VAV3: variants seen among roughly 807,000 people sequenced by gnomAD.
The protein encoded by VAV3 is vav guanine nucleotide exchange factor 3, also known as guanine nucleotide exchange factor VAV3.
VAV3 carries 94 observed loss-of-function variants against 131.2 expected under a neutral mutation model. The observed-to-expected ratio is 0.72, with a 90% CI of 0.61 to 0.85. The LOEUF (loss-of-function observed/expected upper bound fraction) is 0.85. Among genes scored for constraint, VAV3 ranks in the 40% least tolerant of loss-of-function variants. VAV3 has a pLI of 0.00. For missense variants in VAV3, 939 were observed against 1,002.7 expected (o/e 0.94, Z 0.86); for synonymous variants, 349 against 342.0 (o/e 1.02, Z -0.22).
At chr1:107,859,716 T>A (rs1003524091) in intron 2 of VAV3, among the ~76,000 whole-genome samples, 1 of 152,082 alleles carries the variant, frequency 6.6e-6, no homozygotes, top group Non-Finnish European at 1.5e-5. Flanking sequence ...TGGTAGATCA[T>A]CAGAAAATTA....
chr1:107,958,629 T>TA (rs113653928), intron 1 of VAV3, among the ~76,000 whole-genome samples: 48,616 of 151,316 alleles, frequency 0.32, 8,582 homozygotes, highest in African/African-American at 0.49. Flanking sequence ...ATTTTACTTA[T>TA]TTTTTTTTAT....
chr1:107,736,763 A>G (rs1662665024), intron 15 of VAV3, among the ~76,000 whole-genome samples: 1 of 152,136 alleles, frequency 6.6e-6, no homozygotes, highest in South Asian at 2.1e-4. Context: ...CAATATCGTA[A>G]AAATGGCCAT....
chr1:107,775,725 G>T (rs1346570772), intron 4 of VAV3, among the ~76,000 whole-genome samples: 1 of 151,732 alleles, frequency 6.6e-6, no homozygotes, highest in Non-Finnish European at 1.5e-5. Flanking sequence ...GCACTATCTT[G>T]CTTACTGTTG....
chr1:107,926,144 T>C (rs920543116), intron 1 of VAV3, among the ~76,000 whole-genome samples: 1 of 151,866 alleles, frequency 6.6e-6, no homozygotes, highest in Admixed American at 6.6e-5. Context: ...TAGCCAGGCA[T>C]GGTGGCAGGT....
chr1:107,899,522 G>A (rs1433020354), intron 1 of VAV3, among the ~76,000 whole-genome samples: 1 of 152,188 alleles, frequency 6.6e-6, no homozygotes, highest in Non-Finnish European at 1.5e-5. Context: ...TGATGGCACA[G>A]TTAACTACAC....
At chr1:107,856,962 C>T (rs559583752) in intron 2 of VAV3, among the ~76,000 whole-genome samples, 1 of 152,032 alleles carries the variant, frequency 6.6e-6, no homozygotes, top group Admixed American at 6.6e-5. Flanking sequence ...TCGCTTGAGC[C>T]CAAGAGTTTG....
chr1:107,676,460 T>C (rs1404181562), intron 19 of VAV3, among the ~76,000 whole-genome samples: 2 of 152,190 alleles, frequency 1.3e-5, no homozygotes, highest in African/African-American at 4.8e-5. Context: ...GTGAGGTGCA[T>C]GTTGACAAGA....
At chr1:107,706,673 C>T (rs1660472902) in intron 15 of VAV3, among the ~76,000 whole-genome samples, 2 of 152,114 alleles carry the variant, frequency 1.3e-5, no homozygotes, top group Admixed American at 1.3e-4. Flanking sequence ...TCCATAAAGC[C>T]ATGCATTGAA....
intron 1 of VAV3, among the ~76,000 whole-genome samples, chr1:107,875,977 T>C (rs1402000222): frequency 6.6e-6 from 1 of 152,154 alleles, no homozygotes; most frequent in East Asian, 1.9e-4. Flanking sequence ...CTGTTAACCA[T>C]GACACTGGCT....
At chr1:107,912,586 C>A (rs1234005423) in intron 1 of VAV3, among the ~76,000 whole-genome samples, 1 of 152,198 alleles carries the variant, frequency 6.6e-6, no homozygotes, top group East Asian at 1.9e-4. Flanking sequence ...ATCATTCTGG[C>A]TTCTCCACCT....
At chr1:107,785,965 A>T (rs1366393025) in intron 2 of VAV3, among the ~76,000 whole-genome samples, 1 of 152,196 alleles carries the variant, frequency 6.6e-6, no homozygotes, top group African/African-American at 2.4e-5. Context: ...CCCCATTAGG[A>T]TACACTACAG....
intron 2 of VAV3, among the ~76,000 whole-genome samples, chr1:107,866,537 C>T (rs1669993163): frequency 6.6e-6 from 1 of 152,090 alleles, no homozygotes. Context: ...GGCATTTTGG[C>T]TTGGCATGGT....
intron 20 of VAV3, among the ~76,000 whole-genome samples, chr1:107,626,381 A>T (rs1654014648): frequency 1.3e-5 from 2 of 152,316 alleles, no homozygotes; most frequent in South Asian, 4.1e-4. Flanking sequence ...GTGCAGTCAC[A>T]TACTGCCTTT....
rs781153582 is a variant in VAV3 at position 107,964,761 on chromosome 1, G to A, written c.109C>T (p.Leu37Phe). ...SAQVFDLAQT[L>F]RDGVLLCQLL... is the part of the protein sequence containing the mutation. ...TGGCAGAGCAGGACTCCATCGCGGA[G>A]GGTCTGCGCAAGGTCGAACACCTGA... is the stretch of plus-strand genomic sequence containing the variant. The change falls in exon 1 of 27, where the codon CTC becomes TTC. Residue 37 changes from leucine (L) to phenylalanine (F), a missense_variant. Physicochemically the swap from Leu to Phe is conservative, Grantham distance 22. Coordinates refer to ENST00000370056, the MANE Select transcript of VAV3 (RefSeq NM_006113.5). 1.4e-5 allele frequency: 23 copies of A among 1,614,032 alleles called. No homozygotes were observed. The Admixed American group carries it at 2.7e-4, about 19-fold the overall frequency.
At chr1:107,944,353 G>A (rs187227139) in intron 1 of VAV3, among the ~76,000 whole-genome samples, 42 of 152,230 alleles carry the variant, frequency 2.8e-4, no homozygotes, top group Admixed American at 2.5e-3. Context: ...AAGTCTCAAA[G>A]AGAAGACCCA....
chr1:107,844,274 G>A (rs1402201845), intron 2 of VAV3, among the ~76,000 whole-genome samples: 4 of 152,014 alleles, frequency 2.6e-5, no homozygotes, highest in South Asian at 2.1e-4. Context: ...CACGAGGGAC[G>A]GTGCTATCCG....
chr1:107,663,909 G>C (rs527520806), intron 19 of VAV3, among the ~76,000 whole-genome samples: 1 of 151,850 alleles, frequency 6.6e-6, no homozygotes, highest in Non-Finnish European at 1.5e-5. Context: ...TGATGCTGTG[G>C]GTTTGAAATC....
chr1:107,642,815 G>T (rs1263297661), intron 19 of VAV3, 60 bp from the exon 20 acceptor site: 78 of 1,594,764 alleles, frequency 4.9e-5, no homozygotes, highest in Non-Finnish European at 5.8e-5. Flanking sequence ...AAGTCTACAT[G>T]AACTTTACAA....
intron 19 of VAV3, among the ~76,000 whole-genome samples, chr1:107,643,495 C>T (rs995776930): frequency 1.2e-4 from 18 of 152,174 alleles, no homozygotes; most frequent in African/African-American, 3.9e-4. Flanking sequence ...ATACTGGTCA[C>T]AATGGACAAC....
Sources: gnomAD v4.1 joint callset for allele counts (sites outside exome capture counted in the v4.1 genomes callset) on GRCh38, gnomAD v4.1.1 for gene constraint, MANE v1.5 for transcripts, NCBI Gene and HGNC (gene_info 2026-07-23, HGNC 2026-07-21) for gene names.